R3HCC1L: variants seen among roughly 807,000 people sequenced by gnomAD.
R3HCC1L encodes R3H domain and coiled-coil containing 1 like, also known as coiled-coil domain-containing protein R3HCC1L.
In R3HCC1L, 51 loss-of-function variants were observed where a neutral mutation model predicts 59.9. That is an observed-to-expected ratio of 0.85 (90% CI 0.68 to 1.07). The LOEUF is 1.07. Ranked by LOEUF, R3HCC1L falls within the 50% of genes least tolerant of loss-of-function variation. R3HCC1L has a pLI of 0.00. For synonymous variants in R3HCC1L, 322 were observed against 315.2 expected (o/e 1.02, Z -0.23); for missense variants, 965 against 933.0 (o/e 1.03, Z -0.45).
intron 9 of R3HCC1L, among the ~76,000 whole-genome samples, chr10:98,241,426 A>G (rs1001065123): frequency 2.0e-5 from 3 of 152,038 alleles, no homozygotes; most frequent in Non-Finnish European, 4.4e-5. Context: ...AACTCATTTA[A>G]TATAGTCATT....
chr10:98,158,372 G>T (rs1025651557), intron 2 of R3HCC1L, among the ~76,000 whole-genome samples: 2 of 152,058 alleles, frequency 1.3e-5, no homozygotes, highest in African/African-American at 4.8e-5. Context: ...TACATTATGT[G>T]CCAGGCACTG....
intron 5 of R3HCC1L, among the ~76,000 whole-genome samples, chr10:98,215,623 C>G (rs1854105325): frequency 6.6e-6 from 1 of 152,112 alleles, no homozygotes. Flanking sequence ...AACCAAAAAT[C>G]TTTGTTGCAG....
In R3HCC1L at chr10:98,208,995, A is replaced by G. The variant is rs142332940; in HGVS notation, c.881A>G (p.Asn294Ser). 4.2e-5 allele frequency: 67 copies of G among 1,614,024 alleles called. No homozygotes were observed. The African/African-American group carries it at 6.5e-4, about 16-fold the overall frequency. ...FEVESVGGIANSTGFILDQKD... is the reference protein window; with the variant it reads ...FEVESVGGIASSTGFILDQKD... ...GTTGAGAGTGTAGGTGGTATAGCCA[A>G]TAGTACAGGTTTCATCTTAGATCAA... Residue 294 changes from asparagine (N) to serine (S), a missense_variant, in exon 5 of 10, where the codon AAT (asparagine) becomes AGT (serine). Coordinates refer to ENST00000298999, the MANE Select transcript of R3HCC1L (RefSeq NM_001351015.2).
intron 5 of R3HCC1L, among the ~76,000 whole-genome samples, chr10:98,218,504 T>C (rs888506022): frequency 7.9e-5 from 12 of 152,238 alleles, no homozygotes; most frequent in African/African-American, 2.7e-4. Context: ...TTTTGTTTCA[T>C]TGATACTTTG....
intron 1 of R3HCC1L, among the ~76,000 whole-genome samples, chr10:98,147,783 C>T (rs1281888630): frequency 6.6e-6 from 1 of 152,078 alleles, no homozygotes; most frequent in Admixed American, 6.5e-5. Flanking sequence ...TGTTTTAATG[C>T]CAGTACCATA....
At chr10:98,223,505 A>G (rs1855299778) in intron 5 of R3HCC1L, among the ~76,000 whole-genome samples, 1 of 151,578 alleles carries the variant, frequency 6.6e-6, no homozygotes, top group Non-Finnish European at 1.5e-5. Context: ...CACTTCTTCA[A>G]ATTTTATGGA....
chr10:98,134,928 C>T (rs1844389003), intron 1 of R3HCC1L, among the ~76,000 whole-genome samples: 1 of 152,188 alleles, frequency 6.6e-6, no homozygotes, highest in Admixed American at 6.5e-5. Context: ...GGGACCCTCC[C>T]GGGGCTCTTT....
At chr10:98,226,549 C>T (rs540921839) in intron 5 of R3HCC1L, among the ~76,000 whole-genome samples, 3 of 152,176 alleles carry the variant, frequency 2.0e-5, no homozygotes, top group South Asian at 2.1e-4. Flanking sequence ...CAGAAATTGA[C>T]AAGCAGATCC....
At chr10:98,191,540 A>G (rs1850849500) in intron 4 of R3HCC1L, among the ~76,000 whole-genome samples, 1 of 152,002 alleles carries the variant, frequency 6.6e-6, no homozygotes, top group Non-Finnish European at 1.5e-5. Flanking sequence ...TTCTTTGTAG[A>G]TTCTGGATAT....
intron 2 of R3HCC1L, among the ~76,000 whole-genome samples, chr10:98,157,040 A>G (rs1207578904): frequency 6.6e-6 from 1 of 152,208 alleles, no homozygotes; most frequent in East Asian, 1.9e-4. Context: ...TGTAAATTCT[A>G]GATTGGAAAT....
At chr10:98,221,527 C>T (rs554603174) in intron 5 of R3HCC1L, among the ~76,000 whole-genome samples, 76 of 151,816 alleles carry the variant, frequency 5.0e-4, no homozygotes, top group African/African-American at 1.6e-3. Flanking sequence ...ACGTTTAAGT[C>T]TTTAATCCAT....
At chr10:98,170,921 T>C (rs534739914) in intron 4 of R3HCC1L, among the ~76,000 whole-genome samples, 5 of 152,232 alleles carry the variant, frequency 3.3e-5, no homozygotes, top group Non-Finnish European at 5.9e-5. Context: ...AGGTATCTAA[T>C]TGTCAGCTAT....
chr10:98,202,858 G>GAA (rs758550792), intron 4 of R3HCC1L, among the ~76,000 whole-genome samples: 6 of 138,230 alleles, frequency 4.3e-5, no homozygotes, highest in African/African-American at 1.6e-4. Flanking sequence ...TCCGTCACAG[G>GAA]AAAAAAAAAA....
chr10:98,145,208 A>T (rs536033690), intron 1 of R3HCC1L, among the ~76,000 whole-genome samples: 2 of 152,232 alleles, frequency 1.3e-5, no homozygotes, highest in African/African-American at 2.4e-5. Flanking sequence ...TGATAAGCTC[A>T]AGTAGAGGGA....
At position 98,244,852 on chromosome 10, in the gene R3HCC1L, T is replaced by A. The variant is rs535874133; in HGVS notation, c.*694T>A. 7 of 152,376 alleles carry A rather than the reference T, an allele frequency of 4.6e-5. No homozygotes were observed. The highest frequency in any genetic ancestry group is 1.7e-4 in the African/African-American group (7 of 41,582). The allele number at this position is 152,376 out of a possible 1,614,324, so 9.4% of individuals were successfully genotyped here. On this transcript the variant is annotated 3_prime_UTR_variant, in exon 10 of 10. Coordinates refer to ENST00000298999, the MANE Select transcript of R3HCC1L (RefSeq NM_001351015.2). ...GTGCCAGTTCCAGTGTAAGCAGTAA[T>A]ACCATGTTGTAAGAGGGAACATTAA...
intron 5 of R3HCC1L, among the ~76,000 whole-genome samples, chr10:98,227,595 ATTATAC>A (rs1855823706): frequency 1.0e-4 from 14 of 133,718 alleles, no homozygotes; most frequent in African/African-American, 2.5e-4. Flanking sequence ...TTTTTTTTTA[ATTATAC>A]TTTAAGTTCT....
Position 98,236,175 on chromosome 10 carries a change from A to T in R3HCC1L, c.2269+11A>T. 1 of 1,613,400 alleles carries T rather than the reference A, an allele frequency of 6.2e-7. No individual in the cohort carries two copies. Among genetic ancestry groups the T allele is most frequent in the Non-Finnish European group, 8.5e-7 (1 of 1,179,654 alleles). On this transcript the variant is annotated intron_variant, in intron 9 of 9. Transcript: ENST00000298999. ...TGCAAGAAGCCAGAGGTGAGCTGAA[A>T]GGGTGGTGTTCTTCTCTAGGCCCTT...
chr10:98,192,975 A>G (rs918630340), intron 4 of R3HCC1L, among the ~76,000 whole-genome samples: 1 of 152,202 alleles, frequency 6.6e-6, no homozygotes, highest in Non-Finnish European at 1.5e-5. Flanking sequence ...ATGGCTCAAC[A>G]TATGAAAATC....
intron 4 of R3HCC1L, among the ~76,000 whole-genome samples, chr10:98,164,206 G>A (rs1340327045): frequency 3.9e-5 from 6 of 152,180 alleles, no homozygotes; most frequent in Non-Finnish European, 7.3e-5. Flanking sequence ...CATGATAATG[G>A]TGATTTGCCG....
Sources: allele counts gnomAD v4.1 joint callset (sites outside exome capture counted in the v4.1 genomes callset), GRCh38; gene constraint gnomAD v4.1.1; transcripts MANE v1.5; gene names NCBI Gene and HGNC (gene_info 2026-07-23, HGNC 2026-07-21).